Variants in IRF3 observed in about 807,000 individuals in gnomAD.
IRF3 encodes interferon regulatory factor 3.
IRF3 carries 29 observed loss-of-function variants against 43.2 expected under a neutral mutation model. The ratio of observed to expected loss-of-function variants is 0.67; its 90% CI spans 0.50 to 0.91. The LOEUF is 0.91. Ranked by LOEUF, IRF3 falls within the 40% of genes least tolerant of loss-of-function variation. IRF3 has a pLI of 0.00. For missense variants in IRF3, 505 were observed against 559.1 expected (o/e 0.90, Z 0.98); for synonymous variants, 228 against 233.9 (o/e 0.97, Z 0.23).
intron 1 of IRF3, 21 bp downstream of exon 1, chr19:49,665,610 T>G: frequency 1.7e-6 from 1 of 599,594 alleles, no homozygotes; most frequent in South Asian, 2.1e-5. Flanking sequence ...ACCAACGCTC[T>G]CCCGGGCTCT....
chr19:49,664,632 G>T, intron 2 of IRF3, 42 bp downstream of exon 2: 2 of 1,608,974 alleles, frequency 1.2e-6, no homozygotes, highest in South Asian at 1.1e-5. Flanking sequence ...TCCGCCCAGC[G>T]CGCAGCTCCG....
chr19:49,661,899 T>G (rs1235466525), intron 6 of IRF3, 49 bp downstream of exon 6: 2 of 1,546,272 alleles, frequency 1.3e-6, no homozygotes, highest in East Asian at 2.3e-5. Flanking sequence ...TGTTAACCAC[T>G]GTGCAGGCTG....
chr19:49,664,663 G>GT lies in IRF3; in HGVS notation c.165+10dup. ...CTCCGGGTTTCCAGCGTCCCAGGTCGTCGCACGCACCTGGAAGATTCCGAA... is the reference window on the plus strand; with the variant it reads ...CTCCGGGTTTCCAGCGTCCCAGGTCGTTCGCACGCACCTGGAAGATTCCGAA... On this transcript the variant is annotated intron_variant, in intron 2 of 7. Coordinates refer to ENST00000377139, the MANE Select transcript of IRF3 (RefSeq NM_001571.6). 4 of 1,611,044 alleles carry GT rather than the reference G, an allele frequency of 2.5e-6. No individual in the cohort carries two copies. Among genetic ancestry groups the GT allele is most frequent in the Non-Finnish European group, 3.4e-6 (4 of 1,177,606 alleles).
Position 49,665,657 on chromosome 19 carries a change from G to A in IRF3, c.-35C>T, listed in dbSNP as rs1000060931. On this transcript the variant is annotated 5_prime_UTR_variant, in exon 1 of 8. Transcript: ENST00000377139. ...TACGATGGAAGGTCGGGGCGTGCGG[G>A]CAGCTGGAACCCACCCCTGTCTTGG... 1.6e-5 allele frequency: 14 copies of A among 865,924 alleles called. No homozygotes were observed. The highest frequency in any genetic ancestry group is 1.4e-4 in the South Asian group (8 of 55,688). 53.6% of individuals were successfully genotyped at this position (865,924 alleles called of 1,614,324 possible). A position where few individuals can be genotyped will look rare whatever the true frequency, so the allele number is the denominator to read the frequency against.
chr19:49,659,763 G>T lies in IRF3; in HGVS notation c.1169C>A (p.Thr390Asn). 5 of 1,613,694 alleles carry T rather than the reference G, an allele frequency of 3.1e-6. No homozygotes were observed. Among genetic ancestry groups the T allele is most frequent in the Non-Finnish European group, 4.2e-6 (5 of 1,179,770 alleles). ...GCTGTTGGAAATGTGCAGGTCCACAGTATTCTCCAGGGAGGAGGCACCCCC... is the reference window on the plus strand; with the variant it reads ...GCTGTTGGAAATGTGCAGGTCCACATTATTCTCCAGGGAGGAGGCACCCCC... ...RVGGASSLEN[T>N]VDLHISNSHP... The change falls in exon 8 of 8, where the codon ACT becomes AAT. Residue 390 changes from threonine to asparagine, a missense_variant. Physicochemically the swap from Thr to Asn is moderately conservative, Grantham distance 65 (BLOSUM62 0). Coordinates refer to ENST00000377139, the MANE Select transcript of IRF3 (RefSeq NM_001571.6).
chr19:49,665,552 C>T (rs1469640305), intron 1 of IRF3, 79 bp downstream of exon 1: 5 of 419,458 alleles, frequency 1.2e-5, no homozygotes, highest in South Asian at 3.6e-5. Flanking sequence ...TGCCTTTCCA[C>T]TCTCCGTGCA....
Position 49,665,824 on chromosome 19 carries a change from A to T in IRF3, c.-202T>A. ...CTTTGGGTAACAGACCCAAAAGCCG[A>T]TGGGACGGCCCGCTGGGCTGTTCCC... On this transcript the variant is annotated 5_prime_UTR_variant, in exon 1 of 8. Coordinates refer to ENST00000377139, the MANE Select transcript of IRF3 (RefSeq NM_001571.6). The T allele has an allele frequency of 1.3e-6, 2 of 1,587,966 alleles. No individual in the cohort carries two copies. The highest frequency in any genetic ancestry group is 8.6e-7 in the Non-Finnish European group (1 of 1,160,320).
intron 2 of IRF3, 98 bp from the exon 3 acceptor site, chr19:49,663,612 T>C: frequency 8.4e-7 from 1 of 1,192,372 alleles, no homozygotes; most frequent in Non-Finnish European, 1.2e-6. Context: ...CCACCCTCTT[T>C]CCCTGGCAAG....
At position 49,664,835 on chromosome 19, in the gene IRF3, C is replaced by T; in HGVS notation, c.4G>A (p.Gly2Arg). 1 of 1,612,242 alleles carries T rather than the reference C, an allele frequency of 6.2e-7. No individual in the cohort carries two copies. The highest frequency in any genetic ancestry group is 8.5e-7 in the Non-Finnish European group (1 of 1,179,298). Residue 2 changes from glycine to arginine, a missense_variant, in exon 2 of 8, where the codon GGA (glycine) becomes AGA (arginine). Gly to Arg is a moderately radical substitution (Grantham distance 125). Transcript: ENST00000377139. M[G>R]TPKPRILPWL... is the part of the protein sequence containing the mutation. ...GGCAGGATCCGTGGCTTTGGGGTTC[C>T]CATGGTCCGGCCTGCGCGTATAGGG...
rs765746836 is a variant in IRF3, at chr19:49,662,057, T to C, written c.873A>G (p.Thr291=). The C allele has an allele frequency of 5.6e-6, 9 of 1,613,822 alleles. No individual in the cohort carries two copies. The African/African-American group carries it at 9.3e-5, about 17-fold the overall frequency. ...LWAQRLGHCH[T]YWAVSEELLP... is the part of the protein sequence containing the mutation. ...GCAGCTCCTCGCTCACTGCCCAGTA[T>C]GTGTGGCAGTGCCCCAGCCGCTGGG... The change falls in exon 6 of 8, where the codon ACA becomes ACG. Residue 291 remains threonine (T), a synonymous_variant. Coordinates refer to ENST00000377139, the MANE Select transcript of IRF3 (RefSeq NM_001571.6).
intron 2 of IRF3, 177 bp downstream of exon 2, chr19:49,664,497 C>T (rs1027649011): frequency 7.7e-6 from 12 of 1,561,046 alleles, no homozygotes; most frequent in African/African-American, 1.4e-5. Flanking sequence ...GCTTGCGCCC[C>T]ACCATCAGTC....
chr19:49,660,007 ACACACACACACACACACACAC>A (rs1599842803), intron 7 of IRF3, among the ~76,000 whole-genome samples, 174 bp from the exon 8 acceptor site: 2 of 120,956 alleles, frequency 1.7e-5, no homozygotes, highest in East Asian at 4.2e-4. Context: ...ACACACACAC[ACACACACACACACACACACAC>A]CCCCTGCTGT....
chr19:49,663,613 C>A, intron 2 of IRF3, 99 bp from the exon 3 acceptor site: 1 of 1,178,552 alleles, frequency 8.5e-7, no homozygotes, highest in Non-Finnish European at 1.2e-6. Context: ...CACCCTCTTT[C>A]CCTGGCAAGT....
rs767445736 is a variant in IRF3, at chr19:49,662,070, C to G, written c.860G>C (p.Gly287Ala). The change falls in exon 6 of 8, where the codon GGG becomes GCG. Residue 287 changes from glycine (G) to alanine (A), a missense_variant. Gly to Ala is a moderately conservative substitution (Grantham distance 60). Transcript: ENST00000377139. ...CACTGCCCAGTATGTGTGGCAGTGC[C>G]CCAGCCGCTGGGCCCAGAGCCACTG... ...AGQWLWAQRLGHCHTYWAVSE... is the reference protein window; with the variant it reads ...AGQWLWAQRLAHCHTYWAVSE... The G allele has an allele frequency of 6.2e-7, 1 of 1,613,892 alleles. No homozygotes were observed. The highest frequency in any genetic ancestry group is 1.7e-5 in the Admixed American group (1 of 60,034).
intron 2 of IRF3, 67 bp downstream of exon 2, chr19:49,664,607 C>T (rs1239704511): frequency 1.2e-6 from 2 of 1,611,328 alleles, no homozygotes; most frequent in Non-Finnish European, 8.5e-7. Context: ...TCAGCCGGGC[C>T]CACTAGGAGT....
chr19:49,665,573 C>A (rs967198603), intron 1 of IRF3, 58 bp downstream of exon 1: 10 of 511,890 alleles, frequency 2.0e-5, no homozygotes, highest in Non-Finnish European at 2.8e-5. Context: ...GACCCATCCT[C>A]TTTCCCGCTC....
chr19:49,664,304 G>A, intron 2 of IRF3: 2 of 546,206 alleles, frequency 3.7e-6, no homozygotes, highest in Non-Finnish European at 6.4e-6. Context: ...TAATTCGGTA[G>A]TTAGGAACCT....
intron 1 of IRF3, 29 bp downstream of exon 1, chr19:49,665,602 C>CA (rs1811321877): frequency 1.7e-6 from 1 of 573,768 alleles, no homozygotes; most frequent in Non-Finnish European, 3.0e-6. Flanking sequence ...CGGACGCCAC[C>CA]AACGCTCTCC....
rs545259445 is a variant in IRF3 at position 49,660,626 on chromosome 19, C to T, written c.1098+87G>A. ...TTGGAAGTTGCAGTTTTTTAGAGGG[C>T]CCTCTGGGAGTTGGAGTTCCTGGGA... On this transcript the variant is annotated intron_variant, in intron 7 of 7. Transcript: ENST00000377139. 5.2e-6 allele frequency: 7 copies of T among 1,350,418 alleles called. No individual in the cohort carries two copies. In the East Asian group the frequency reaches 1.9e-4, roughly 37 times the overall value. The allele number at this position is 1,350,418 out of a possible 1,614,324, so 83.7% of individuals were successfully genotyped here. A position where few individuals can be genotyped will look rare whatever the true frequency, so the allele number is the denominator to read the frequency against.
Sources: gnomAD v4.1 joint callset for allele counts (sites outside exome capture counted in the v4.1 genomes callset) on GRCh38, gnomAD v4.1.1 for gene constraint, MANE v1.5 for transcripts, NCBI Gene and HGNC (gene_info 2026-07-23, HGNC 2026-07-21) for gene names.